ANK1: variants seen among roughly 807,000 people sequenced by gnomAD.
The protein encoded by ANK1 is ankyrin 1, also known as ankyrin-1.
In ANK1, 51 loss-of-function variants were observed where a neutral mutation model predicts 210.4. The observed-to-expected ratio is 0.24, with a 90% CI of 0.19 to 0.31. The LOEUF (loss-of-function observed/expected upper bound fraction) is 0.31, where lower values mean the gene tolerates loss of function less well. Among genes scored for constraint, ANK1 ranks in the 10% least tolerant of loss-of-function variants. The probability of loss-of-function intolerance (pLI) is 1.00; values close to 1 mark genes in which losing one functional copy is unlikely to be tolerated. For missense variants in ANK1, 2,051 were observed against 2,504.4 expected (o/e 0.82, Z 3.86); for synonymous variants, 967 against 1,025.9 (o/e 0.94, Z 1.10).
intron 13 of ANK1, 46 bp downstream of exon 13, chr8:41,716,907 A>T (rs1827835033): frequency 1.3e-6 from 2 of 1,582,824 alleles, no homozygotes; most frequent in East Asian, 4.5e-5. Context: ...ACAGTGCTGG[A>T]ACTGCTCACA....
chr8:41,748,780 A>G (rs929432409), intron 2 of ANK1, among the ~76,000 whole-genome samples: 5 of 152,246 alleles, frequency 3.3e-5, no homozygotes, highest in African/African-American at 9.6e-5. Flanking sequence ...TTACGCCTGT[A>G]ATCCCAGCAC....
chr8:41,723,502 C>G lies in ANK1; in HGVS notation c.810+33G>C, dbSNP rs774835418. 1.6e-5 allele frequency: 25 copies of G among 1,611,372 alleles called. No homozygotes were observed. In the Middle Eastern group the frequency reaches 4.9e-4, roughly 32 times the overall value. On this transcript the variant is annotated intron_variant, in intron 8 of 42. Coordinates refer to ENST00000289734, the MANE Select transcript of ANK1 (RefSeq NM_000037.4). ...GGCTTGTGAGGGGGGACCTCCCTCC[C>G]CCTGCCTGGCTACAGCACCTGCTGG...
At chr8:41,665,126 C>T (rs1810039927) in intron 39 of ANK1, 3 of 1,547,430 alleles carry the variant, frequency 1.9e-6, no homozygotes, top group African/African-American at 1.4e-5. Flanking sequence ...CCCCAGGGAC[C>T]CCTTGCATTC....
At position 41,695,926 on chromosome 8, in the gene ANK1, G is replaced by A. The variant is rs187620262; in HGVS notation, c.2960+437C>T. Among the ~76,000 whole-genome samples the A allele has an allele frequency of 2.8e-3, 424 of 151,454 alleles. 6 individuals are homozygous for A. Among genetic ancestry groups the A allele is most frequent in the East Asian group, 2.5e-3 (13 of 5,152 alleles). On this transcript the variant is annotated intron_variant, in intron 26 of 42. Transcript: ENST00000289734. ...GCCTCTGGAGCCGGGTACTTCCCTC[G>A]TCCTCAGGGGAAACGGCCAGGGAGG...
intron 1 of ANK1, among the ~76,000 whole-genome samples, chr8:41,872,202 C>T (rs1187130281): frequency 1.3e-5 from 2 of 152,200 alleles, no homozygotes; most frequent in African/African-American, 4.8e-5. Flanking sequence ...GGAGCCGACC[C>T]CCTGTAGGCC....
At chr8:41,836,037 C>G (rs1360924748) in intron 1 of ANK1, among the ~76,000 whole-genome samples, 1 of 152,162 alleles carries the variant, frequency 6.6e-6, no homozygotes, top group Non-Finnish European at 1.5e-5. Context: ...CTCTCTGGGC[C>G]GTGTCCAGCA....
At chr8:41,829,980 G>GT (rs892436506) in intron 1 of ANK1, 1 of 146,476 alleles carries the variant, frequency 6.8e-6, no homozygotes, top group South Asian at 2.2e-4. Context: ...AAGGCCTTTA[G>GT]TTTTTATAAG....
In ANK1 at chr8:41,704,447, G is replaced by T; in HGVS notation, c.2123C>A (p.Ala708Asp). The T allele has an allele frequency of 6.2e-7, 1 of 1,614,136 alleles. No individual in the cohort carries two copies. The highest frequency in any genetic ancestry group is 8.5e-7 in the Non-Finnish European group (1 of 1,180,012). The stretch of plus-strand genomic sequence containing the variant: ...CAGCTTGATGTTTCCATAGTGACTG[G>T]CCACATGGAGGGGAGTGTAGCCCAT... The part of the protein sequence containing the change: ...TRMGYTPLHV[A>D]SHYGNIKLVK... Residue 708 changes from alanine (A) to aspartate (D), a missense_variant, in exon 19 of 43, where the codon GCC (alanine) becomes GAC (aspartate). Physicochemically the swap from Ala to Asp is moderately radical, Grantham distance 126. This residue lies in a region of ANK1 where 1,413 missense variants were observed against 1,707.4 expected (regional missense o/e 0.83). Transcript: ENST00000289734. This position sits in a 1 kb window ranked among gnomAD's most constrained non-coding sequence, Gnocchi z 4.1.
At position 41,885,248 on chromosome 8, in the gene ANK1, G is replaced by A. The variant is rs565000886; in HGVS notation, c.126+11107C>T. Among the ~76,000 whole-genome samples the A allele has an allele frequency of 6.6e-5, 10 of 152,216 alleles. No individual in the cohort carries two copies. The South Asian group carries it at 1.0e-3, about 16-fold the overall frequency. On this transcript the variant is annotated intron_variant, in intron 1 of 42. Transcript: ENST00000265709. Reference sequence around the variant, plus strand: ...CGGTACAGAATCATAAAGTTTTTCCGTCTGTGTCTTGTAAGTCCTGTGTGG... The same window carrying A: ...CGGTACAGAATCATAAAGTTTTTCCATCTGTGTCTTGTAAGTCCTGTGTGG...
chr8:41,849,453 G>A (rs1283386373), intron 1 of ANK1, among the ~76,000 whole-genome samples: 2 of 152,142 alleles, frequency 1.3e-5, no homozygotes, highest in East Asian at 3.9e-4. Flanking sequence ...GAACCCGGGA[G>A]GCAGAGACTG....
At chr8:41,721,149 A>G (rs1829149464) in intron 9 of ANK1, among the ~76,000 whole-genome samples, 1 of 152,162 alleles carries the variant, frequency 6.6e-6, no homozygotes, top group Non-Finnish European at 1.5e-5. Context: ...GGGATATAAT[A>G]AGCTAAAATG....
intron 42 of ANK1, among the ~76,000 whole-genome samples, chr8:41,659,704 C>T (rs1475730756): frequency 6.7e-6 from 1 of 149,422 alleles, no homozygotes; most frequent in Non-Finnish European, 1.5e-5. Flanking sequence ...CACCGCCCCA[C>T]CCCCCTGCCA....
chr8:41,778,943 A>G (rs1412479843), intron 1 of ANK1, among the ~76,000 whole-genome samples: 1 of 152,238 alleles, frequency 6.6e-6, no homozygotes, highest in African/African-American at 2.4e-5. Context: ...ATAGAGGAGC[A>G]GTAAGATCTA....
intron 1 of ANK1, among the ~76,000 whole-genome samples, chr8:41,843,859 T>G (rs774680944): frequency 3.0e-4 from 45 of 152,290 alleles, no homozygotes; most frequent in Middle Eastern, 6.8e-3. Flanking sequence ...ATAAATCTCA[T>G]GCCATGAAAT....
chr8:41,862,162 G>A (rs1464533266), intron 1 of ANK1, among the ~76,000 whole-genome samples: 3 of 152,324 alleles, frequency 2.0e-5, no homozygotes. Context: ...ATTTCTGCTT[G>A]AGGCATAACA....
chr8:41,869,393 A>G (rs1815061886), intron 1 of ANK1, among the ~76,000 whole-genome samples: 1 of 152,162 alleles, frequency 6.6e-6, no homozygotes, highest in Non-Finnish European at 1.5e-5. Context: ...TCTGAGGCAC[A>G]ACCCAGAGGC....
At chr8:41,866,175 T>A (rs77291185) in intron 1 of ANK1, among the ~76,000 whole-genome samples, 12,213 of 151,936 alleles carry the variant, frequency 0.08, 666 homozygotes, top group East Asian at 0.18. Flanking sequence ...AAAGGTAATT[T>A]TCTTTCTTTT....
Position 41,655,693 on chromosome 8 carries a change from TCTC to T in ANK1, c.*94_*96del. On this transcript the variant is annotated 3_prime_UTR_variant, in exon 43 of 43. Coordinates refer to ENST00000289734, the MANE Select transcript of ANK1 (RefSeq NM_000037.4). Reference sequence around the variant, plus strand: ...CGCTGCGGTGGCCCTCAGGTCCAGCTCTCCTCCTGTGTGCATGGCAGAGTGTGT... The same window carrying T: ...CGCTGCGGTGGCCCTCAGGTCCAGCTCTCCTGTGTGCATGGCAGAGTGTGT... The T allele has an allele frequency of 6.2e-7, 1 of 1,612,916 alleles. No individual in the cohort carries two copies. Among genetic ancestry groups the T allele is most frequent in the African/African-American group, 1.3e-5 (1 of 74,982 alleles).
rs548149993 is a variant in ANK1, at chr8:41,761,086, T to G, written c.28-2949A>C. Among the ~76,000 whole-genome samples, 11 of 151,374 alleles carry G rather than the reference T, an allele frequency of 7.3e-5. No individual in the cohort carries two copies. In the East Asian group the frequency reaches 2.1e-3, roughly 29 times the overall value. On this transcript the variant is annotated intron_variant, in intron 1 of 42. Coordinates refer to ENST00000289734, the MANE Select transcript of ANK1 (RefSeq NM_000037.4). ...GGCTGGCCCTAAATTCAATGACAAG[T>G]GTCCTTAGAAAAGACAGAAAAGGAG... is the stretch of plus-strand genomic sequence containing the variant.
Sources: allele counts gnomAD v4.1 joint callset (sites outside exome capture counted in the v4.1 genomes callset), GRCh38; gene constraint gnomAD v4.1.1; regional missense constraint gnomAD v4.1.1; non-coding constraint Gnocchi (gnomAD v3.1); transcripts MANE v1.5; gene names NCBI Gene and HGNC (gene_info 2026-07-23, HGNC 2026-07-21).